TTC39B: variants seen among roughly 807,000 people sequenced by gnomAD.
TTC39B encodes the protein tetratricopeptide repeat domain 39B, also known as tetratricopeptide repeat protein 39B.
Under a neutral mutation model 96.6 loss-of-function variants are expected in TTC39B, and 92 were observed. That is an observed-to-expected ratio of 0.95 (90% CI 0.80 to 1.13). The LOEUF is 1.13. TTC39B is among the 50% of genes most tolerant of loss of function. The pLI, the probability that TTC39B is intolerant of heterozygous loss-of-function variation, is 0.00. For synonymous variants in TTC39B, 367 were observed against 299.4 expected (o/e 1.23, Z -2.33); for missense variants, 955 against 809.3 (o/e 1.18, Z -2.18).
At chr9:15,184,496 GCTGA>G (rs1461144429) in intron 16 of TTC39B, among the ~76,000 whole-genome samples, 1 of 151,272 alleles carries the variant, frequency 6.6e-6, no homozygotes, top group Non-Finnish European at 1.5e-5. Flanking sequence ...GCTTTCCTGT[GCTGA>G]CTATCTATAT....
At chr9:15,250,118 G>C in intron 2 of TTC39B, 1 of 1,246,388 alleles carries the variant, frequency 8.0e-7, no homozygotes, top group Non-Finnish European at 1.0e-6. Context: ...AAGCAAAGTA[G>C]TTGCCGAGGC....
intron 17 of TTC39B, among the ~76,000 whole-genome samples, chr9:15,179,495 C>A: frequency 6.6e-6 from 1 of 152,202 alleles, no homozygotes; most frequent in South Asian, 2.1e-4. Context: ...TCTGATAGGT[C>A]ATTCACCCAG....
At chr9:15,299,264 G>A (rs537454534) in intron 1 of TTC39B, among the ~76,000 whole-genome samples, 6 of 152,254 alleles carry the variant, frequency 3.9e-5, no homozygotes, top group South Asian at 2.1e-4. Context: ...TTTAAAATAC[G>A]TAGGCCCTAT....
At chr9:15,170,303 G>C (rs1406986901) in exon 20 of TTC39B, 1 of 146,370 alleles carries the variant, frequency 6.8e-6, no homozygotes, top group Non-Finnish European at 1.5e-5. Flanking sequence ...GGCAGGAGCA[G>C]GTTCATATAA....
At chr9:15,259,985 C>A (rs186684112) in intron 2 of TTC39B, among the ~76,000 whole-genome samples, 3 of 151,910 alleles carry the variant, frequency 2.0e-5, no homozygotes, top group Non-Finnish European at 4.4e-5. Flanking sequence ...CTTTTTCAGA[C>A]GATAAAAATG....
intron 2 of TTC39B, among the ~76,000 whole-genome samples, chr9:15,267,028 G>A (rs1270907595): frequency 8.5e-5 from 13 of 152,148 alleles, no homozygotes; most frequent in Admixed American, 2.0e-4. Flanking sequence ...GCAGTGAGCC[G>A]AGATCGTGCC....
intron 3 of TTC39B, 148 bp downstream of exon 3, chr9:15,225,769 A>G (rs1821086585): frequency 2.0e-6 from 1 of 488,106 alleles, no homozygotes; most frequent in Admixed American, 4.0e-5. Context: ...TCCCTGATTT[A>G]TAAAATGGGC....
intron 1 of TTC39B, among the ~76,000 whole-genome samples, chr9:15,304,669 C>G (rs779232687): frequency 6.6e-6 from 1 of 151,528 alleles, no homozygotes; most frequent in Non-Finnish European, 1.5e-5. Context: ...CGACCCCTCT[C>G]CCCCATCTCA....
At chr9:15,231,283 G>C (rs1214069124) in intron 2 of TTC39B, among the ~76,000 whole-genome samples, 3 of 152,014 alleles carry the variant, frequency 2.0e-5, no homozygotes, top group Non-Finnish European at 4.4e-5. Flanking sequence ...AGAGTGCTTG[G>C]ATTACCAGCA....
rs1454606020 is a variant in TTC39B at position 15,287,863 on chromosome 9, G to A, written c.240+19221C>T. 5.4e-5 allele frequency among the ~76,000 whole-genome samples: 8 copies of A among 149,408 alleles called. No homozygotes were observed. The East Asian group carries it at 5.9e-4, about 11-fold the overall frequency. On this transcript the variant is annotated intron_variant, in intron 1 of 19. Coordinates refer to ENST00000512701, the Ensembl canonical transcript of TTC39B. ...CGGGAAGCTGAGGCAGGAGAATGGC[G>A]TGAACCCAGGAGGCGGAGCTTGCAG...
At chr9:15,229,161 A>G (rs1440188943) in intron 2 of TTC39B, among the ~76,000 whole-genome samples, 1 of 152,242 alleles carries the variant, frequency 6.6e-6, no homozygotes, top group Admixed American at 6.5e-5. Flanking sequence ...AAGTAGAGAA[A>G]ATACTATTGC....
chr9:15,200,333 T>C (rs1232105114), intron 7 of TTC39B, among the ~76,000 whole-genome samples: 2 of 152,224 alleles, frequency 1.3e-5, no homozygotes, highest in African/African-American at 4.8e-5. Context: ...TTACACCCAG[T>C]AAATGGGACA....
intron 2 of TTC39B, among the ~76,000 whole-genome samples, chr9:15,262,228 A>G (rs1206503266): frequency 6.6e-6 from 1 of 152,130 alleles, no homozygotes; most frequent in Non-Finnish European, 1.5e-5. Flanking sequence ...CCTCCTGAGT[A>G]GCTGGAATTA....
intron 2 of TTC39B, among the ~76,000 whole-genome samples, chr9:15,240,497 A>C (rs1237711554): frequency 6.6e-6 from 1 of 151,652 alleles, no homozygotes; most frequent in Non-Finnish European, 1.5e-5. Context: ...GTACTTTTCA[A>C]TGTTTTTTTT....
chr9:15,254,547 C>T (rs1822677446), intron 2 of TTC39B, among the ~76,000 whole-genome samples: 1 of 151,934 alleles, frequency 6.6e-6, no homozygotes, highest in African/African-American at 2.4e-5. Context: ...ATTTTTACTT[C>T]TATGGGATTG....
intron 2 of TTC39B, among the ~76,000 whole-genome samples, chr9:15,237,207 T>G (rs1821823148): frequency 6.6e-6 from 1 of 152,072 alleles, no homozygotes; most frequent in African/African-American, 2.4e-5. Context: ...CCCAGCTACT[T>G]GGGAGGCTGA....
chr9:15,280,846 T>C (rs1206879964), intron 1 of TTC39B, among the ~76,000 whole-genome samples: 1 of 152,156 alleles, frequency 6.6e-6, no homozygotes, highest in Non-Finnish European at 1.5e-5. Context: ...TGGGGTTTAG[T>C]AGAATGCCTC....
At chr9:15,218,595 A>G (rs1394982010) in intron 3 of TTC39B, among the ~76,000 whole-genome samples, 6 of 73,558 alleles carry the variant, frequency 8.2e-5, no homozygotes, top group Admixed American at 2.3e-4. Flanking sequence ...TTTAAAAGAT[A>G]TGTTAAGTTA....
chr9:15,187,935 C>T, intron 14 of TTC39B, 36 bp downstream of exon 14: 1 of 1,532,456 alleles, frequency 6.5e-7, no homozygotes, highest in Non-Finnish European at 8.8e-7. Flanking sequence ...CATGTATTAG[C>T]AAACAGATGA....
Sources: allele counts gnomAD v4.1 joint callset (sites outside exome capture counted in the v4.1 genomes callset), GRCh38; gene constraint gnomAD v4.1.1; transcripts MANE v1.5; gene names NCBI Gene and HGNC (gene_info 2026-07-23, HGNC 2026-07-21).